The following GTF3C5 variants were observed in gnomAD, a reference collection of about 807,000 sequenced individuals.
GTF3C5 encodes general transcription factor 3C polypeptide 5.
In GTF3C5, 47 loss-of-function variants were observed where a neutral mutation model predicts 61.0. That is an observed-to-expected ratio of 0.77 (90% CI 0.61 to 0.98). GTF3C5 has a LOEUF of 0.98. GTF3C5 is among the 50% of genes least tolerant of loss of function. The probability of loss-of-function intolerance (pLI) is 0.00; values close to 1 mark genes in which losing one functional copy is unlikely to be tolerated. For synonymous variants in GTF3C5, 295 were observed against 275.4 expected (o/e 1.07, Z -0.71); for missense variants, 659 against 703.3 (o/e 0.94, Z 0.71).
At chr9:133,054,944 G>C in intron 8 of GTF3C5, 135 bp downstream of exon 8, 1 of 1,550,752 alleles carries the variant, frequency 6.4e-7, no homozygotes, top group Non-Finnish European at 8.7e-7. Flanking sequence ...TTCCTTTTAG[G>C]TCAGCCTTCA....
intron 9 of GTF3C5, 115 bp downstream of exon 9, chr9:133,056,209 C>G: frequency 1.2e-6 from 1 of 824,534 alleles, no homozygotes; most frequent in Non-Finnish European, 1.9e-6. Flanking sequence ...AGAGCACTCG[C>G]CTGTCTGGGA....
chr9:133,042,725 C>A (rs1211183945), intron 2 of GTF3C5, among the ~76,000 whole-genome samples: 1 of 152,194 alleles, frequency 6.6e-6, no homozygotes, highest in Non-Finnish European at 1.5e-5. Context: ...GCAGGTTGAA[C>A]GTCCCTCGTG....
intron 10 of GTF3C5, among the ~76,000 whole-genome samples, 189 bp downstream of exon 10, chr9:133,057,097 G>C (rs1829961338): frequency 6.6e-6 from 1 of 152,232 alleles, no homozygotes; most frequent in African/African-American, 2.4e-5. Context: ...CAGCTGCCCA[G>C]AGGCTGCCTC....
At chr9:133,049,301 G>A (rs536125983) in intron 3 of GTF3C5, among the ~76,000 whole-genome samples, 35 of 152,330 alleles carry the variant, frequency 2.3e-4, no homozygotes, top group Non-Finnish European at 4.4e-4. Context: ...GGTTTTCCTG[G>A]GGAACATCTT....
In GTF3C5 at chr9:133,037,159, C is replaced by T. The variant is rs73556373; in HGVS notation, c.154-4928C>T. 3.0e-3 allele frequency among the ~76,000 whole-genome samples: 455 copies of T among 152,210 alleles called. 2 individuals carry two copies. Among genetic ancestry groups the T allele is most frequent in the African/African-American group, 0.011 (441 of 41,494 alleles). On this transcript the variant is annotated intron_variant, in intron 1 of 10. Coordinates refer to ENST00000372097, the MANE Select transcript of GTF3C5 (RefSeq NM_012087.4). ...CGTCCGGAATGGGGATCTTTCCATTCGCAAGCAAAAATGTCTCGGCTGTCC... is the reference window on the plus strand; with the variant it reads ...CGTCCGGAATGGGGATCTTTCCATTTGCAAGCAAAAATGTCTCGGCTGTCC...
At chr9:133,045,983 A>G (rs1850190760) in intron 3 of GTF3C5, among the ~76,000 whole-genome samples, 1 of 152,180 alleles carries the variant, frequency 6.6e-6, no homozygotes, top group African/African-American at 2.4e-5. Flanking sequence ...TGTTTGTTGA[A>G]TAATTGTTCC....
chr9:133,045,674 C>T (rs1228401834), intron 3 of GTF3C5, among the ~76,000 whole-genome samples: 1 of 152,066 alleles, frequency 6.6e-6, no homozygotes, highest in Non-Finnish European at 1.5e-5. Context: ...CTTGCTCTGT[C>T]CACCCAGGCT....
At chr9:133,055,147 C>T (rs1425042258) in intron 8 of GTF3C5, 41 of 1,546,372 alleles carry the variant, frequency 2.7e-5, no homozygotes, top group Non-Finnish European at 3.3e-5. Context: ...GAATTGGGCA[C>T]ACACAGGAGG....
At chr9:133,038,004 C>G (rs1230631993) in intron 1 of GTF3C5, among the ~76,000 whole-genome samples, 3 of 152,126 alleles carry the variant, frequency 2.0e-5, no homozygotes, top group African/African-American at 7.2e-5. Flanking sequence ...TTGGACCGCA[C>G]AATCTAAGCT....
chr9:133,055,732 A>G, intron 8 of GTF3C5: 6 of 1,295,740 alleles, frequency 4.6e-6, no homozygotes, highest in Non-Finnish European at 5.9e-6. Context: ...TGCCAGCCCC[A>G]TGCCATGGGC....
intron 8 of GTF3C5, chr9:133,055,519 C>T: frequency 8.4e-7 from 1 of 1,196,016 alleles, no homozygotes; most frequent in Admixed American, 3.6e-5. Flanking sequence ...CGAGGCCTCT[C>T]CTAGGAGGCC....
At chr9:133,053,770 C>A (rs1829832278) in intron 5 of GTF3C5, 58 bp from the exon 6 acceptor site, 2 of 1,123,978 alleles carry the variant, frequency 1.8e-6, no homozygotes, top group Non-Finnish European at 2.6e-6. Context: ...AGGCTCTGGC[C>A]CGTCCAGGGA....
chr9:133,055,730 C>G (rs748444906), intron 8 of GTF3C5: 10 of 1,294,188 alleles, frequency 7.7e-6, no homozygotes, highest in Admixed American at 3.4e-5. Context: ...AGTGCCAGCC[C>G]CATGCCATGG....
At chr9:133,036,597 A>G (rs1849867358) in intron 1 of GTF3C5, among the ~76,000 whole-genome samples, 1 of 152,146 alleles carries the variant, frequency 6.6e-6, no homozygotes, top group Admixed American at 6.5e-5. Context: ...TTTTCTAGGG[A>G]AGGCAGGGCT....
intron 5 of GTF3C5, among the ~76,000 whole-genome samples, chr9:133,053,063 C>T (rs952451804): frequency 1.6e-4 from 25 of 152,288 alleles, no homozygotes; most frequent in African/African-American, 5.8e-4. Context: ...TGGTCTCGAA[C>T]TCCTAACCTC....
intron 10 of GTF3C5, 54 bp downstream of exon 10, chr9:133,056,962 G>A (rs1829957301): frequency 6.7e-7 from 1 of 1,494,936 alleles, no homozygotes; most frequent in Non-Finnish European, 9.0e-7. Flanking sequence ...TCTCCTTTGA[G>A]ACAGAGGTGT....
At position 133,053,901 on chromosome 9, in the gene GTF3C5, A is replaced by T. The variant is rs1345216877; in HGVS notation, c.947A>T (p.Tyr316Phe). The T allele has an allele frequency of 1.2e-5, 20 of 1,613,212 alleles. No individual in the cohort carries two copies. The highest frequency in any genetic ancestry group is 1.5e-5 in the Non-Finnish European group (18 of 1,179,336). Residue 316 changes from tyrosine (Y) to phenylalanine (F), a missense_variant, in exon 6 of 11, where the codon TAT becomes TTT. By Grantham distance (22) the Tyr-to-Phe change is conservative. Coordinates refer to ENST00000372097, the MANE Select transcript of GTF3C5 (RefSeq NM_012087.4). ...DPRKNPDAKI[Y>F]QVLDFRIRCG... is the part of the protein sequence containing the mutation. ...CGAAAAAACCCAGATGCCAAGATTT[A>T]TCAAGTCCTCGATTTCCGAATCCGT...
At chr9:133,040,040 C>G (rs576741582) in intron 1 of GTF3C5, among the ~76,000 whole-genome samples, 40 of 152,266 alleles carry the variant, frequency 2.6e-4, no homozygotes, top group African/African-American at 9.1e-4. Flanking sequence ...TTATATTATT[C>G]TCTTGATTTA....
chr9:133,052,798 C>T (rs1850426138), intron 5 of GTF3C5, among the ~76,000 whole-genome samples: 1 of 152,108 alleles, frequency 6.6e-6, no homozygotes, highest in Non-Finnish European at 1.5e-5. Context: ...GGAGAGCGAC[C>T]TGTGCTGCTT....
Sources: allele counts gnomAD v4.1 joint callset (sites outside exome capture counted in the v4.1 genomes callset), GRCh38; gene constraint gnomAD v4.1.1; transcripts MANE v1.5; gene names NCBI Gene and HGNC (gene_info 2026-07-23, HGNC 2026-07-21).